Variants in TRIM14 observed in about 807,000 individuals in gnomAD.
TRIM14 encodes the protein tripartite motif containing 14, also known as tripartite motif-containing protein 14.
In TRIM14, 28 loss-of-function variants were observed where a neutral mutation model predicts 44.5. The observed-to-expected ratio is 0.63, with a 90% CI of 0.47 to 0.86. The LOEUF is 0.86. TRIM14 is among the 40% of genes least tolerant of loss of function. The probability of loss-of-function intolerance (pLI) is 0.00; values close to 1 mark genes in which losing one functional copy is unlikely to be tolerated. For synonymous variants in TRIM14, 299 were observed against 269.2 expected (o/e 1.11, Z -1.08); for missense variants, 607 against 611.1 (o/e 0.99, Z 0.07).
the TRIM14 span, among the ~76,000 whole-genome samples, chr9:98,045,598 C>T: frequency 6.6e-6 from 1 of 152,218 alleles, no homozygotes. Context: ...CACCACATGG[C>T]TGTGCTAGAG....
At chr9:98,046,527 C>T in the TRIM14 span, among the ~76,000 whole-genome samples, 211 of 152,028 alleles carry the variant, frequency 1.4e-3, no homozygotes, top group African/African-American at 4.5e-3. Flanking sequence ...CAGCAACCTC[C>T]GCCTCCCGGG....
At chr9:98,040,878 A>G in the TRIM14 span, among the ~76,000 whole-genome samples, 1 of 151,866 alleles carries the variant, frequency 6.6e-6, no homozygotes, top group Non-Finnish European at 1.5e-5. Context: ...GCTGCTCTTG[A>G]ACTCCTGACC....
the TRIM14 span, among the ~76,000 whole-genome samples, chr9:98,036,500 G>GAAA: frequency 5.9e-5 from 6 of 102,534 alleles, no homozygotes; most frequent in Admixed American, 2.3e-4. Context: ...GACTCCATCT[G>GAAA]AAAAAAAAAA....
intron 6 of TRIM14, among the ~76,000 whole-genome samples, chr9:98,074,381 C>T (rs1485791433): frequency 6.6e-6 from 1 of 152,136 alleles, no homozygotes; most frequent in South Asian, 2.1e-4. Flanking sequence ...AACCCGATAG[C>T]ACGGTCGGCA....
chr9:98,088,107 C>A, intron 5 of TRIM14, 102 bp from the exon 6 acceptor site: 6 of 1,289,364 alleles, frequency 4.7e-6, no homozygotes, highest in Non-Finnish European at 6.0e-6. Context: ...AAATGCGAAG[C>A]GCGGAAATGG....
At chr9:98,059,721 G>A in the TRIM14 span, among the ~76,000 whole-genome samples, 1 of 151,086 alleles carries the variant, frequency 6.6e-6, no homozygotes, top group African/African-American at 2.4e-5. Context: ...GACCTCTTGA[G>A]TGTTTTTTGT....
At chr9:98,082,971 C>G, downstream of TRIM14, 1 of 1,614,094 alleles carries the variant, frequency 6.2e-7, no homozygotes, top group Non-Finnish European at 8.5e-7. Flanking sequence ...ATCTAGTGGG[C>G]AAGAAGGTCC....
At position 98,091,858 on chromosome 9, in the gene TRIM14, A is replaced by T. The variant is rs758551811; in HGVS notation, c.793+51T>A. 4.5e-5 allele frequency: 59 copies of T among 1,317,350 alleles called. No individual in the cohort carries two copies. In the South Asian group the frequency reaches 1.1e-3, roughly 25 times the overall value. 81.6% of individuals were successfully genotyped at this position (1,317,350 alleles called of 1,614,324 possible). The stretch of plus-strand genomic sequence containing the variant: ...TTTCCATGATCCTCCTCCACCCAAC[A>T]TCCCACCATCTCCACCGTCTCCACC... On this transcript the variant is annotated intron_variant, in intron 5 of 5. Transcript: ENST00000341469.
At chr9:98,055,289 G>A in the TRIM14 span, among the ~76,000 whole-genome samples, 1 of 152,290 alleles carries the variant, frequency 6.6e-6, no homozygotes, top group Non-Finnish European at 1.5e-5. Context: ...AAAGTGCTAG[G>A]ATTACAGGTG....
chr9:98,078,400 G>A (rs947396857), intron 6 of TRIM14: 12 of 1,569,184 alleles, frequency 7.6e-6, no homozygotes, highest in South Asian at 2.3e-5. Context: ...TGGGGAAGGC[G>A]TAGTCTTTTT....
rs1362723186 is a variant in TRIM14 at position 98,087,541 on chromosome 9, T to C, written c.1258A>G (p.Thr420Ala). 5.0e-6 allele frequency: 8 copies of C among 1,595,918 alleles called. No individual in the cohort carries two copies. Among genetic ancestry groups the C allele is most frequent in the Non-Finnish European group, 6.8e-6 (8 of 1,172,982 alleles). Residue 420 changes from threonine to alanine, a missense_variant, in exon 6 of 6, where the codon ACG (threonine) becomes GCG (alanine). Physicochemically the swap from Thr to Ala is moderately conservative, Grantham distance 58. Transcript: ENST00000341469. ...GMSHLHTFRA[T>A]FQEPLYPALR... is the part of the protein sequence containing the mutation. ...GCCGGGTAGAGCGGCTCCTGGAACG[T>C]GGCGCGGAAGGTATGCAGGTGGCTC... is the stretch of plus-strand genomic sequence containing the variant.
intron 1 of TRIM14, 44 bp from the exon 2 acceptor site, chr9:98,110,028 T>G: frequency 2.7e-6 from 4 of 1,491,372 alleles, no homozygotes; most frequent in Non-Finnish European, 2.8e-6. Flanking sequence ...TACTGTCACT[T>G]TCCAAATAAC....
At chr9:98,042,722 T>G in the TRIM14 span, among the ~76,000 whole-genome samples, 1 of 151,918 alleles carries the variant, frequency 6.6e-6, no homozygotes, top group Non-Finnish European at 1.5e-5. Flanking sequence ...ATACAAAAAT[T>G]AGCTGAGCAT....
chr9:98,052,771 G>T, the TRIM14 span, among the ~76,000 whole-genome samples: 1 of 152,212 alleles, frequency 6.6e-6, no homozygotes, highest in Non-Finnish European at 1.5e-5. Context: ...CTCCCAATGT[G>T]CTGGGAATAC....
At chr9:98,057,704 C>T in the TRIM14 span, among the ~76,000 whole-genome samples, 1 of 152,076 alleles carries the variant, frequency 6.6e-6, no homozygotes. Flanking sequence ...ACGACCCCAG[C>T]CCCCAGCATA....
the TRIM14 span, among the ~76,000 whole-genome samples, chr9:98,060,604 T>G: frequency 6.6e-6 from 1 of 150,954 alleles, no homozygotes; most frequent in East Asian, 2.0e-4. Context: ...CGGGAGGCAT[T>G]GGTTGTAGTG....
chr9:98,114,646 CT>C (rs1826982655), intron 1 of TRIM14, among the ~76,000 whole-genome samples: 1 of 152,032 alleles, frequency 6.6e-6, no homozygotes, highest in South Asian at 2.1e-4. Flanking sequence ...TACTTTGATT[CT>C]TTTAAAAAAA....
At chr9:98,048,906 A>G in the TRIM14 span, among the ~76,000 whole-genome samples, 20 of 151,986 alleles carry the variant, frequency 1.3e-4, no homozygotes, top group Non-Finnish European at 2.6e-4. Context: ...CTGTAATTCC[A>G]GCTACCTGGG....
At chr9:98,045,247 C>T in the TRIM14 span, among the ~76,000 whole-genome samples, 2 of 151,730 alleles carry the variant, frequency 1.3e-5, no homozygotes, top group Non-Finnish European at 3.0e-5. Flanking sequence ...CTTTGTAGCT[C>T]TCGTCCACCA....
Sources: allele counts gnomAD v4.1 joint callset (sites outside exome capture counted in the v4.1 genomes callset), GRCh38; gene constraint gnomAD v4.1.1; transcripts MANE v1.5; gene names NCBI Gene and HGNC (gene_info 2026-07-23, HGNC 2026-07-21).